The following RAB6B variants were observed in gnomAD, a reference collection of about 807,000 sequenced individuals.
RAB6B encodes RAB6B, member RAS oncogene family.
RAB6B carries 7 observed loss-of-function variants against 31.2 expected under a neutral mutation model. The observed-to-expected ratio is 0.22, with a 90% CI of 0.13 to 0.42. The LOEUF is 0.42. Ranked by LOEUF, RAB6B falls within the 10% of genes least tolerant of loss-of-function variation. The probability of loss-of-function intolerance (pLI) is 1.00; values close to 1 mark genes in which losing one functional copy is unlikely to be tolerated. For missense variants in RAB6B, 149 were observed against 280.6 expected (o/e 0.53, Z 3.35); for synonymous variants, 105 against 104.9 (o/e 1.00, Z -0.01).
At chr3:133,887,661 T>C (rs1413982253) in intron 1 of RAB6B, among the ~76,000 whole-genome samples, 3 of 152,188 alleles carry the variant, frequency 2.0e-5, no homozygotes, top group African/African-American at 7.2e-5. Context: ...AGAGATGGGC[T>C]GGGGCTTATC....
Position 133,826,453 on chromosome 3 carries a change from T to A in RAB6B, c.*2335A>T, listed in dbSNP as rs1334066225. On this transcript the variant is annotated 3_prime_UTR_variant, in exon 8 of 8. Transcript: ENST00000285208. ...AAATAAAAATCTACCATACGTTCAT[T>A]CACTGAGACCCAGTGCAGATTCCTG... 1 of 152,570 alleles carries A rather than the reference T, an allele frequency of 6.6e-6. No homozygotes were observed. The highest frequency in any genetic ancestry group is 1.5e-5 in the Non-Finnish European group (1 of 68,042). The allele number at this position is 152,570 out of a possible 1,614,324, so 9.5% of individuals were successfully genotyped here.
rs550804307 is a variant in RAB6B at position 133,895,675 on chromosome 3, G to C, written c.-209C>G. 25 of 584,822 alleles carry C rather than the reference G, an allele frequency of 4.3e-5. No individual in the cohort carries two copies. The African/African-American group carries it at 4.7e-4, about 11-fold the overall frequency. 36.2% of individuals were successfully genotyped at this position (584,822 alleles called of 1,614,324 possible). A position where few individuals can be genotyped will look rare whatever the true frequency, so the allele number is the denominator to read the frequency against. ...GGAGGAGGAGGAGGAGAGAGAGGCG[G>C]AGGCGGAGGAAGGCTGGGGCTGGGC... On this transcript the variant is annotated 5_prime_UTR_variant, in exon 1 of 8. Transcript: ENST00000285208.
intron 1 of RAB6B, among the ~76,000 whole-genome samples, chr3:133,881,867 C>A (rs1399098451): frequency 6.6e-6 from 1 of 152,246 alleles, no homozygotes; most frequent in African/African-American, 2.4e-5. Flanking sequence ...CTAAAATCTT[C>A]ACCCTATCTG....
rs1440117579 is a variant in RAB6B, at chr3:133,828,702, G to A, written c.*86C>T. On this transcript the variant is annotated 3_prime_UTR_variant, in exon 8 of 8. Coordinates refer to ENST00000285208, the MANE Select transcript of RAB6B (RefSeq NM_016577.4). ...AAAAATCCTCCCATCTTGATAACTC[G>A]GTTCCCTCCCCCCTTAGGAAGCTAG... 17 of 1,296,220 alleles carry A rather than the reference G, an allele frequency of 1.3e-5. No individual in the cohort carries two copies. Among genetic ancestry groups the A allele is most frequent in the Middle Eastern group, 1.9e-4 (1 of 5,138 alleles). The allele number at this position is 1,296,220 out of a possible 1,614,324, so 80.3% of individuals were successfully genotyped here.
In RAB6B at chr3:133,826,799, T is replaced by G. The variant is rs1480227853; in HGVS notation, c.*1989A>C. ...TTAAGTATTTCTTATTTCAACACGT[T>G]GCAGTACTTTTGAATTTCCAAAACT... On this transcript the variant is annotated 3_prime_UTR_variant, in exon 8 of 8. Coordinates refer to ENST00000285208, the MANE Select transcript of RAB6B (RefSeq NM_016577.4). The G allele has an allele frequency of 6.5e-6, 1 of 152,712 alleles. No individual in the cohort carries two copies. Among genetic ancestry groups the G allele is most frequent in the Non-Finnish European group, 1.5e-5 (1 of 68,054 alleles). 9.5% of individuals were successfully genotyped at this position (152,712 alleles called of 1,614,324 possible).
At chr3:133,834,756 T>A (rs1420101057) in intron 6 of RAB6B, 115 bp from the exon 7 acceptor site, 2 of 982,798 alleles carry the variant, frequency 2.0e-6, no homozygotes, top group African/African-American at 1.6e-5. Context: ...TACTCTCCCA[T>A]CTGCCCAGCG....
In RAB6B at chr3:133,827,870, C is replaced by T; in HGVS notation, c.*918G>A. ...AACATCACACACTGAGTTTCTTAGA[C>T]TTGGCCCAGGCATGTGTACTGACTG... On this transcript the variant is annotated 3_prime_UTR_variant, in exon 8 of 8. Coordinates refer to ENST00000285208, the MANE Select transcript of RAB6B (RefSeq NM_016577.4). 1 of 677,326 alleles carries T rather than the reference C, an allele frequency of 1.5e-6. No individual in the cohort carries two copies. The highest frequency in any genetic ancestry group is 2.7e-6 in the Non-Finnish European group (1 of 370,652). The allele number at this position is 677,326 out of a possible 1,614,324, so 42.0% of individuals were successfully genotyped here.
At chr3:133,893,234 A>T (rs10935088) in intron 1 of RAB6B, among the ~76,000 whole-genome samples, 5 of 152,140 alleles carry the variant, frequency 3.3e-5, no homozygotes, top group Non-Finnish European at 5.9e-5. Context: ...GGCTTCCCCA[A>T]TTCAAGGTCA....
Position 133,828,545 on chromosome 3 carries a change from C to T in RAB6B, c.*243G>A, listed in dbSNP as rs191698478. The T allele has an allele frequency of 4.0e-6, 2 of 501,860 alleles. No individual in the cohort carries two copies. The highest frequency in any genetic ancestry group is 4.0e-5 in the African/African-American group (2 of 50,192). The allele number at this position is 501,860 out of a possible 1,614,324, so 31.1% of individuals were successfully genotyped here. A position where few individuals can be genotyped will look rare whatever the true frequency, so the allele number is the denominator to read the frequency against. On this transcript the variant is annotated 3_prime_UTR_variant, in exon 8 of 8. Transcript: ENST00000285208. ...TTAAATTTTAACAGTTTTTGGCAATCTTAATAAAGTACAATATATTACAAC... is the reference window on the plus strand; with the variant it reads ...TTAAATTTTAACAGTTTTTGGCAATTTTAATAAAGTACAATATATTACAAC...
rs1383657155 is a variant in RAB6B, at chr3:133,827,906, TG to T, written c.*881del. 1.4e-6 allele frequency: 1 copy of T among 702,896 alleles called. No homozygotes were observed. The highest frequency in any genetic ancestry group is 1.5e-5 in the South Asian group (1 of 67,578). The allele number at this position is 702,896 out of a possible 1,614,324, so 43.5% of individuals were successfully genotyped here. On this transcript the variant is annotated 3_prime_UTR_variant, in exon 8 of 8. Coordinates refer to ENST00000285208, the MANE Select transcript of RAB6B (RefSeq NM_016577.4). Reference sequence around the variant, plus strand: ...CATGTGTACTGACTGCTGGGTGGGCTGGTTAAAATATTTTCAGAAGTACACA... The same window carrying T: ...CATGTGTACTGACTGCTGGGTGGGCTGTTAAAATATTTTCAGAAGTACACA...
intron 2 of RAB6B, among the ~76,000 whole-genome samples, chr3:133,849,969 G>A (rs1935955331): frequency 6.6e-6 from 1 of 152,170 alleles, no homozygotes; most frequent in African/African-American, 2.4e-5. Flanking sequence ...CTTACTGGTT[G>A]AGAAATTAGA....
At chr3:133,852,002 T>C (rs185475934) in intron 2 of RAB6B, among the ~76,000 whole-genome samples, 306 of 148,560 alleles carry the variant, frequency 2.1e-3, no homozygotes, top group African/African-American at 7.5e-3. Context: ...GCCACCTCCA[T>C]GGAGAGCCAC....
chr3:133,834,782 G>T, intron 6 of RAB6B, 141 bp from the exon 7 acceptor site: 1 of 776,160 alleles, frequency 1.3e-6, no homozygotes, highest in Non-Finnish European at 2.2e-6. Context: ...TGCCCTCAAA[G>T]GCAGGGGCTG....
intron 1 of RAB6B, among the ~76,000 whole-genome samples, chr3:133,868,290 C>G (rs1232378925): frequency 6.6e-6 from 1 of 152,212 alleles, no homozygotes; most frequent in Non-Finnish European, 1.5e-5. Flanking sequence ...TTCTCAGTCC[C>G]CCAACCATAA....
At chr3:133,869,455 G>T (rs1397294834) in intron 1 of RAB6B, among the ~76,000 whole-genome samples, 1 of 152,244 alleles carries the variant, frequency 6.6e-6, no homozygotes, top group Non-Finnish European at 1.5e-5. Flanking sequence ...CAGCCACATG[G>T]AGGAGCATGG....
At chr3:133,837,558 C>A (rs1446507311) in intron 6 of RAB6B, among the ~76,000 whole-genome samples, 1 of 152,290 alleles carries the variant, frequency 6.6e-6, no homozygotes, top group East Asian at 1.9e-4. Context: ...ACGGACGGGT[C>A]AGTGGTTAGT....
Position 133,826,885 on chromosome 3 carries a change from T to C in RAB6B, c.*1903A>G, listed in dbSNP as rs1337767188. The C allele has an allele frequency of 6.5e-6, 1 of 152,704 alleles. No homozygotes were observed. The highest frequency in any genetic ancestry group is 1.5e-5 in the Non-Finnish European group (1 of 68,054). 9.5% of individuals were successfully genotyped at this position (152,704 alleles called of 1,614,324 possible). On this transcript the variant is annotated 3_prime_UTR_variant, in exon 8 of 8. Transcript: ENST00000285208. ...AACAAGAATATACATTGAGCACATG[T>C]ATCTCCGTGAGGATGTGTTTGTGGA...
At chr3:133,889,175 C>T (rs1936594735) in intron 1 of RAB6B, among the ~76,000 whole-genome samples, 1 of 151,916 alleles carries the variant, frequency 6.6e-6, no homozygotes, top group South Asian at 2.1e-4. Flanking sequence ...CAGCCCTACA[C>T]ATTCAATGGC....
rs116217146 is a variant in RAB6B at position 133,837,413 on chromosome 3, T to C, written c.495+753A>G. On this transcript the variant is annotated intron_variant, in intron 6 of 7. Transcript: ENST00000285208. ...ACACTGATAGATGTGAAGTTCAAGA[T>C]ACCTGCAACACTATGAGGTGATGGG... Among the ~76,000 whole-genome samples, 1,191 of 152,316 alleles carry C rather than the reference T, an allele frequency of 7.8e-3. 9 individuals carry two copies. The highest frequency in any genetic ancestry group is 0.012 in the Non-Finnish European group (836 of 68,028).
Sources: allele counts gnomAD v4.1 joint callset (sites outside exome capture counted in the v4.1 genomes callset), GRCh38; gene constraint gnomAD v4.1.1; transcripts MANE v1.5; gene names NCBI Gene and HGNC (gene_info 2026-07-23, HGNC 2026-07-21).